Variants in SH2B3 observed in about 807,000 individuals in gnomAD.
SH2B3 encodes SH2B adaptor protein 3.
A neutral mutation model predicts 51.9 loss-of-function variants in SH2B3; 43 were observed. The observed-to-expected ratio is 0.83, with a 90% CI of 0.65 to 1.07. The LOEUF (loss-of-function observed/expected upper bound fraction) is 1.07, where lower values mean the gene tolerates loss of function less well. Ranked by LOEUF, SH2B3 falls within the 50% of genes least tolerant of loss-of-function variation. The probability of loss-of-function intolerance (pLI) is 0.00; values close to 1 mark genes in which losing one functional copy is unlikely to be tolerated. For missense variants in SH2B3, 952 were observed against 834.3 expected (o/e 1.14, Z -1.74); for synonymous variants, 396 against 376.0 (o/e 1.05, Z -0.62).
At chr12:111,430,632 G>C (rs1282384109) in intron 2 of SH2B3, among the ~76,000 whole-genome samples, 3 of 152,212 alleles carry the variant, frequency 2.0e-5, no homozygotes, top group African/African-American at 7.2e-5. Context: ...GAGAAGGGCA[G>C]ATGGACAGGG....
At chr12:111,411,962 C>A (rs1013718617) in intron 1 of SH2B3, among the ~76,000 whole-genome samples, 2 of 152,146 alleles carry the variant, frequency 1.3e-5, no homozygotes, top group African/African-American at 2.4e-5. Flanking sequence ...CTCCTGGGTG[C>A]TAGGGCCCCT....
Position 111,418,744 on chromosome 12 carries a change from T to A in SH2B3, c.599T>A (p.Val200Glu). Reference sequence around the variant, plus strand: ...CCACCCGAGGCGCTGAAGGAGGCGGTGCTGCGCTACAGCCTGGCCGACGAG... The same window carrying A: ...CCACCCGAGGCGCTGAAGGAGGCGGAGCTGCGCTACAGCCTGGCCGACGAG... Reference protein sequence around the residue: ...EPPPEALKEAVLRYSLADEAS... With the variant: ...EPPPEALKEAELRYSLADEAS... Residue 200 changes from valine to glutamate, a missense_variant, in exon 2 of 8, where the codon GTG becomes GAG. By Grantham distance (121) the Val-to-Glu change is moderately radical (BLOSUM62 -2). Coordinates refer to ENST00000341259, the MANE Select transcript of SH2B3 (RefSeq NM_005475.3). This position sits in a 1 kb window ranked among gnomAD's most constrained non-coding sequence, Gnocchi z 6.7. 1 of 1,484,666 alleles carries A rather than the reference T, an allele frequency of 6.7e-7. No homozygotes were observed. The highest frequency in any genetic ancestry group is 8.9e-7 in the Non-Finnish European group (1 of 1,125,190). 92.0% of individuals were successfully genotyped at this position (1,484,666 alleles called of 1,614,324 possible).
rs1003929628 is a variant in SH2B3, at chr12:111,406,206, C to G, written c.-99C>G. 1 of 151,602 alleles carries G rather than the reference C, an allele frequency of 6.6e-6. No individual in the cohort carries two copies. The highest frequency in any genetic ancestry group is 1.5e-5 in the Non-Finnish European group (1 of 67,760). The allele number at this position is 151,602 out of a possible 1,614,324, so 9.4% of individuals were successfully genotyped here. A position where few individuals can be genotyped will look rare whatever the true frequency, so the allele number is the denominator to read the frequency against. ...CGCCCAGGGCGGGGGCCCGCCCGCC[C>G]CCTCGGGATTTCGAGGGCCCGGGGG... On this transcript the variant is annotated 5_prime_UTR_variant, in exon 1 of 8. Coordinates refer to ENST00000341259, the MANE Select transcript of SH2B3 (RefSeq NM_005475.3). This position sits in a 1 kb window ranked among gnomAD's most constrained non-coding sequence, Gnocchi z 5.7.
intron 2 of SH2B3, among the ~76,000 whole-genome samples, chr12:111,420,891 G>A (rs111590121): frequency 7.2e-5 from 11 of 152,346 alleles, no homozygotes; most frequent in African/African-American, 2.6e-4. Context: ...AGAATCCTTT[G>A]AAGTAACGTT....
intron 2 of SH2B3, chr12:111,444,005 A>C (rs2135601362): frequency 6.6e-6 from 1 of 152,314 alleles, no homozygotes; most frequent in Non-Finnish European, 1.5e-5. Context: ...AACCTGGCCA[A>C]CCAACATGGT....
At chr12:111,439,394 C>T (rs1443369198) in intron 2 of SH2B3, among the ~76,000 whole-genome samples, 1 of 152,124 alleles carries the variant, frequency 6.6e-6, no homozygotes, top group Non-Finnish European at 1.5e-5. Flanking sequence ...GGTGATCTGC[C>T]TTGCCTCGGC....
rs765638241 is a variant in SH2B3, at chr12:111,447,498, G to A, written c.1190G>A (p.Arg397Gln). 2.3e-5 allele frequency: 37 copies of A among 1,612,448 alleles called. No homozygotes were observed. The highest frequency in any genetic ancestry group is 6.7e-5 in the East Asian group (3 of 44,808). The change falls in exon 6 of 8, where the codon CGG becomes CAG. Residue 397 changes from arginine (R) to glutamine (Q), a missense_variant. Physicochemically the swap from Arg to Gln is conservative, Grantham distance 43. Coordinates refer to ENST00000341259, the MANE Select transcript of SH2B3 (RefSeq NM_005475.3). ...GVFLVRQSET[R>Q]RGEYVLTFNF... The stretch of plus-strand genomic sequence containing the variant: ...TTCCTGGTGCGGCAGAGCGAGACGC[G>A]GCGTGGGGAATACGTGCTCACTTTC...
At position 111,448,480 on chromosome 12, in the gene SH2B3, G is replaced by A. The variant is rs1107853; in HGVS notation, c.*178G>A. 0.037 allele frequency: 21,960 copies of A among 598,198 alleles called. 3,582 individuals are homozygous for A. The highest frequency in any genetic ancestry group is 0.36 in the African/African-American group (19,130 of 53,848). 37.1% of individuals were successfully genotyped at this position (598,198 alleles called of 1,614,324 possible). ...AGGCCTGTTGAAGGGCCCTCCTGTA[G>A]GTTTCATCTATCCACCTGGCTTTCT... On this transcript the variant is annotated 3_prime_UTR_variant, in exon 8 of 8. Coordinates refer to ENST00000341259, the MANE Select transcript of SH2B3 (RefSeq NM_005475.3).
At chr12:111,447,635 C>A in intron 6 of SH2B3, 21 bp from the exon 7 acceptor site, 2 of 1,609,290 alleles carry the variant, frequency 1.2e-6, no homozygotes, top group Non-Finnish European at 1.7e-6. Flanking sequence ...AGCCCGAGCC[C>A]ACCATCCTCT....
In SH2B3 at chr12:111,406,745, C is replaced by T. The variant is rs1426777965; in HGVS notation, c.-28+468C>T. On this transcript the variant is annotated intron_variant, in intron 1 of 7. Transcript: ENST00000341259. The surrounding 1 kb of genome is among the most constrained non-coding windows in gnomAD (Gnocchi z 5.7). The stretch of plus-strand genomic sequence containing the variant: ...CGCCGGCCCCTCCCCACTCCCCATT[C>T]CGGGCCATGTGGCTAAGAGGGTAGC... 6.6e-6 allele frequency among the ~76,000 whole-genome samples: 1 copy of T among 152,198 alleles called. No individual in the cohort carries two copies. Among genetic ancestry groups the T allele is most frequent in the Non-Finnish European group, 1.5e-5 (1 of 68,030 alleles).
rs1166420183 is a variant in SH2B3 at position 111,450,575 on chromosome 12, CTA to C, written c.*2274_*2275del. The C allele has an allele frequency of 6.6e-6, 1 of 152,214 alleles. No individual in the cohort carries two copies. Among genetic ancestry groups the C allele is most frequent in the Admixed American group, 6.5e-5 (1 of 15,282 alleles). 9.4% of individuals were successfully genotyped at this position (152,214 alleles called of 1,614,324 possible). ...GGGCACTCATTTCTTAGCAGCCTCT[CTA>C]CATACATCTCTCAGGTGGTGCCAAG... is the stretch of plus-strand genomic sequence containing the variant. On this transcript the variant is annotated 3_prime_UTR_variant, in exon 8 of 8. Coordinates refer to ENST00000341259, the MANE Select transcript of SH2B3 (RefSeq NM_005475.3).
At position 111,418,710 on chromosome 12, in the gene SH2B3, C is replaced by G. The variant is rs1565970517; in HGVS notation, c.565C>G (p.Arg189Gly). 1 of 1,485,244 alleles carries G rather than the reference C, an allele frequency of 6.7e-7. No individual in the cohort carries two copies. Among genetic ancestry groups the G allele is most frequent in the Non-Finnish European group, 8.9e-7 (1 of 1,125,226 alleles). The allele number at this position is 1,485,244 out of a possible 1,614,324, so 92.0% of individuals were successfully genotyped here. A position where few individuals can be genotyped will look rare whatever the true frequency, so the allele number is the denominator to read the frequency against. Reference sequence around the variant, plus strand: ...GAAGTTCCTGCCCTGGAGCCTGGCCCGGGAGCCGCCACCCGAGGCGCTGAA... The same window carrying G: ...GAAGTTCCTGCCCTGGAGCCTGGCCGGGGAGCCGCCACCCGAGGCGCTGAA... The part of the protein sequence containing the change: ...AKKFLPWSLA[R>G]EPPPEALKEA... The change falls in exon 2 of 8, where the codon CGG becomes GGG. Residue 189 changes from arginine to glycine, a missense_variant. By Grantham distance (125) the Arg-to-Gly change is moderately radical. Transcript: ENST00000341259. The surrounding 1 kb of genome is among the most constrained non-coding windows in gnomAD (Gnocchi z 6.7).
At chr12:111,434,712 T>C (rs1443584319) in intron 2 of SH2B3, 2 of 1,327,374 alleles carry the variant, frequency 1.5e-6, no homozygotes, top group African/African-American at 3.0e-5. Context: ...TAGTTCTGTC[T>C]TGGTTTCCTT....
rs1225006658 is a variant in SH2B3, at chr12:111,449,439, G to A, written c.*1137G>A. ...TAACTAATGAGAAACTCCTTTAATA[G>A]CCCACAATCAGTGTTCTGTTCTAGC... On this transcript the variant is annotated 3_prime_UTR_variant, in exon 8 of 8. Transcript: ENST00000341259. The A allele has an allele frequency of 6.6e-6, 1 of 152,146 alleles. No homozygotes were observed. The highest frequency in any genetic ancestry group is 2.4e-5 in the African/African-American group (1 of 41,432). 9.4% of individuals were successfully genotyped at this position (152,146 alleles called of 1,614,324 possible).
chr12:111,423,275 A>G (rs1291128633), intron 2 of SH2B3, among the ~76,000 whole-genome samples: 1 of 152,014 alleles, frequency 6.6e-6, no homozygotes, highest in Non-Finnish European at 1.5e-5. Flanking sequence ...TTTTCTCATC[A>G]TTTGTTAAAA....
Position 111,448,416 on chromosome 12 carries a change from G to A in SH2B3, c.*114G>A, listed in dbSNP as rs889579808. ...TCCAGAGAAAGATTTAAGGGACACTGTTAACTGCTCGTGCCAGTTTGGAAG... is the reference window on the plus strand; with the variant it reads ...TCCAGAGAAAGATTTAAGGGACACTATTAACTGCTCGTGCCAGTTTGGAAG... On this transcript the variant is annotated 3_prime_UTR_variant, in exon 8 of 8. Transcript: ENST00000341259. 1 of 844,088 alleles carries A rather than the reference G, an allele frequency of 1.2e-6. No homozygotes were observed. The highest frequency in any genetic ancestry group is 1.8e-6 in the Non-Finnish European group (1 of 547,098). 52.3% of individuals were successfully genotyped at this position (844,088 alleles called of 1,614,324 possible). A position where few individuals can be genotyped will look rare whatever the true frequency, so the allele number is the denominator to read the frequency against.
chr12:111,419,158 C>A (rs1270270138), intron 2 of SH2B3, among the ~76,000 whole-genome samples: 2 of 151,350 alleles, frequency 1.3e-5, no homozygotes, highest in African/African-American at 2.4e-5. Context: ...AAAAAATTAG[C>A]CAGGTGTGGT....
intron 2 of SH2B3, among the ~76,000 whole-genome samples, chr12:111,433,080 G>A (rs537537206): frequency 6.6e-6 from 1 of 152,316 alleles, no homozygotes; most frequent in East Asian, 1.9e-4. Context: ...GGCTGGGCAC[G>A]GTGGCTAACG....
chr12:111,423,374 T>G (rs1383245013), intron 2 of SH2B3, among the ~76,000 whole-genome samples: 1 of 152,144 alleles, frequency 6.6e-6, no homozygotes, highest in Non-Finnish European at 1.5e-5. Flanking sequence ...TATTTTTTTA[T>G]TTTTTATTTT....
Sources: gnomAD v4.1 joint callset for allele counts (sites outside exome capture counted in the v4.1 genomes callset) on GRCh38, gnomAD v4.1.1 for gene constraint, Gnocchi (gnomAD v3.1) non-coding constraint, MANE v1.5 for transcripts, NCBI Gene and HGNC (gene_info 2026-07-23, HGNC 2026-07-21) for gene names.